MGLL: variants seen among roughly 807,000 people sequenced by gnomAD.
The protein encoded by MGLL is lysophospholipase homolog.
MGLL carries 7 observed loss-of-function variants against 29.1 expected under a neutral mutation model. That is an observed-to-expected ratio of 0.24 (90% confidence interval 0.14 to 0.45). The LOEUF is 0.45. Ranked by LOEUF, MGLL falls within the 20% of genes least tolerant of loss-of-function variation. MGLL has a pLI of 0.99. For synonymous variants in MGLL, 148 were observed against 168.3 expected (o/e 0.88, Z 0.93); for missense variants, 356 against 413.6 (o/e 0.86, Z 1.21).
At chr3:127,810,212 T>C (rs1156961754) in intron 2 of MGLL, among the ~76,000 whole-genome samples, 1 of 152,196 alleles carries the variant, frequency 6.6e-6, no homozygotes, top group Non-Finnish European at 1.5e-5. Flanking sequence ...ATCAACCCTG[T>C]TGACGCCTTG....
chr3:127,730,207 C>G (rs1447445701), intron 3 of MGLL, among the ~76,000 whole-genome samples: 4 of 152,162 alleles, frequency 2.6e-5, no homozygotes, highest in Admixed American at 2.6e-4. Flanking sequence ...TGCCTTTGAA[C>G]TTACAGTAGC....
chr3:127,819,571 A>C (rs1327452291), intron 2 of MGLL, among the ~76,000 whole-genome samples: 2 of 152,230 alleles, frequency 1.3e-5, no homozygotes, highest in South Asian at 2.1e-4. Context: ...GGGAGGAGAC[A>C]GGATTGCACA....
chr3:127,821,798 G>A lies in MGLL; in HGVS notation c.51C>T (p.Pro17=). The part of the protein sequence containing the change: ...DPSSMPEESS[P]RRTPQSIPYQ... ...AGGGAATGCTCTGCGGGGTCCGCCT[G>A]GGGGAACTTTCCTCTGGCATGCTGG... The change falls in exon 2 of 8, where the codon CCC becomes CCT. Residue 17 remains proline (P), a synonymous_variant. Coordinates refer to ENST00000265052, the MANE Select transcript of MGLL (RefSeq NM_007283.7). 2.5e-6 allele frequency: 4 copies of A among 1,614,098 alleles called. No homozygotes were observed. Among genetic ancestry groups the A allele is most frequent in the Non-Finnish European group, 3.4e-6 (4 of 1,179,962 alleles).
chr3:127,705,236 G>A (rs778902524), intron 6 of MGLL, among the ~76,000 whole-genome samples: 2 of 152,076 alleles, frequency 1.3e-5, no homozygotes, highest in African/African-American at 2.4e-5. Flanking sequence ...AGGGGCACGG[G>A]GGGAGGGAGA....
chr3:127,695,603 G>GC (rs2075344914), intron 6 of MGLL, among the ~76,000 whole-genome samples: 1 of 152,158 alleles, frequency 6.6e-6, no homozygotes, highest in African/African-American at 2.4e-5. Context: ...AACTAGCTGG[G>GC]CGTGGTGGTG....
chr3:127,799,844 T>C (rs1287083584), intron 2 of MGLL, among the ~76,000 whole-genome samples: 1 of 152,230 alleles, frequency 6.6e-6, no homozygotes, highest in East Asian at 1.9e-4. Flanking sequence ...AGTCTTAATA[T>C]TCACAAAAGA....
intron 3 of MGLL, among the ~76,000 whole-genome samples, chr3:127,734,165 C>T (rs895871566): frequency 1.3e-5 from 2 of 152,360 alleles, no homozygotes; most frequent in African/African-American, 4.8e-5. Flanking sequence ...GCTGCTTTCC[C>T]TTGAATCTAC....
intron 2 of MGLL, among the ~76,000 whole-genome samples, chr3:127,814,937 C>T (rs933185119): frequency 1.3e-5 from 2 of 152,166 alleles, no homozygotes; most frequent in Middle Eastern, 3.2e-3. Context: ...AAAGGTGCTA[C>T]TAAAATGCAA....
At chr3:127,732,348 C>A (rs1489669914) in intron 3 of MGLL, among the ~76,000 whole-genome samples, 1 of 152,124 alleles carries the variant, frequency 6.6e-6, no homozygotes, top group Non-Finnish European at 1.5e-5. Flanking sequence ...AGGAAACAGA[C>A]CCTGGAGAGA....
chr3:127,780,001 G>A (rs971063927), intron 3 of MGLL, among the ~76,000 whole-genome samples: 1 of 152,182 alleles, frequency 6.6e-6, no homozygotes, highest in Non-Finnish European at 1.5e-5. Context: ...AGATTTCCAT[G>A]AGTCATTCAA....
chr3:127,786,759 TCAGAGAG>T (rs1479166077), intron 2 of MGLL, among the ~76,000 whole-genome samples: 1 of 152,196 alleles, frequency 6.6e-6, no homozygotes, highest in Non-Finnish European at 1.5e-5. Flanking sequence ...ACCACCGACC[TCAGAGAG>T]CAATGTCGCG....
At chr3:127,785,049 G>T (rs2077189949) in intron 2 of MGLL, among the ~76,000 whole-genome samples, 1 of 152,120 alleles carries the variant, frequency 6.6e-6, no homozygotes, top group Non-Finnish European at 1.5e-5. Context: ...GGGTGGGGGT[G>T]GTCCTAGGGT....
chr3:127,771,921 A>T (rs2076955021), intron 3 of MGLL, among the ~76,000 whole-genome samples: 1 of 152,160 alleles, frequency 6.6e-6, no homozygotes, highest in Non-Finnish European at 1.5e-5. Flanking sequence ...CTGTCTTGGC[A>T]AGGACTCCTC....
chr3:127,763,824 G>A (rs1375575181), intron 3 of MGLL, among the ~76,000 whole-genome samples: 1 of 152,194 alleles, frequency 6.6e-6, no homozygotes, highest in Non-Finnish European at 1.5e-5. Flanking sequence ...AGGCTAAACT[G>A]CAGATGGGTC....
intron 2 of MGLL, among the ~76,000 whole-genome samples, chr3:127,819,842 C>G (rs1240811184): frequency 6.6e-6 from 1 of 152,126 alleles, no homozygotes; most frequent in South Asian, 2.1e-4. Flanking sequence ...CCTGAGCCCC[C>G]ACCCTAGGAC....
intron 3 of MGLL, among the ~76,000 whole-genome samples, chr3:127,727,438 G>A (rs1183774937): frequency 2.6e-5 from 4 of 151,946 alleles, no homozygotes; most frequent in African/African-American, 7.3e-5. Flanking sequence ...CTGGCTAGGC[G>A]CAGTGGCTCA....
intron 3 of MGLL, among the ~76,000 whole-genome samples, chr3:127,748,516 A>G (rs1029866153): frequency 6.6e-6 from 1 of 151,842 alleles, no homozygotes; most frequent in Non-Finnish European, 1.5e-5. Flanking sequence ...CCTAACCTCT[A>G]GTACCTCCGA....
rs114188162 is a variant in MGLL at position 127,747,946 on chromosome 3, G to A, written c.263-25380C>T. On this transcript the variant is annotated intron_variant, in intron 3 of 7. Transcript: ENST00000265052. ...AGGATTTGGCCACAACCTGGCACTC[G>A]GGGACCTGGTGTTGAAAATGAGTCA... Among the ~76,000 whole-genome samples the A allele has an allele frequency of 3.0e-3, 457 of 152,262 alleles. 2 individuals are homozygous for A. Among genetic ancestry groups the A allele is most frequent in the African/African-American group, 0.01 (435 of 41,542 alleles).
chr3:127,789,317 C>T (rs2077264035), intron 2 of MGLL, among the ~76,000 whole-genome samples: 1 of 152,124 alleles, frequency 6.6e-6, no homozygotes, highest in Non-Finnish European at 1.5e-5. Context: ...GGCCCGGGAC[C>T]CATCTACGGC....
Sources: gnomAD v4.1 joint callset for allele counts (sites outside exome capture counted in the v4.1 genomes callset) on GRCh38, gnomAD v4.1.1 for gene constraint, MANE v1.5 for transcripts, NCBI Gene and HGNC (gene_info 2026-07-23, HGNC 2026-07-21) for gene names.